The following AKAP19 variants were observed in gnomAD, a reference collection of about 807,000 sequenced individuals.
AKAP19 encodes the protein A-kinase anchoring protein 19.
At chr2:189,891,010 G>A in the AKAP19 span, among the ~76,000 whole-genome samples, 3 of 152,012 alleles carry the variant, frequency 2.0e-5, no homozygotes, top group Non-Finnish European at 4.4e-5. Flanking sequence ...TCATAGTGTC[G>A]ATGGTCTTTC....
chr2:190,184,286 G>C, the AKAP19 span, among the ~76,000 whole-genome samples: 42 of 152,112 alleles, frequency 2.8e-4, no homozygotes, highest in Non-Finnish European at 5.1e-4. Flanking sequence ...TTCTAATTCA[G>C]AACAGTTTCA....
At chr2:190,123,660 T>C in the AKAP19 span, among the ~76,000 whole-genome samples, 5 of 152,186 alleles carry the variant, frequency 3.3e-5, no homozygotes, top group Non-Finnish European at 7.4e-5. Flanking sequence ...CCACAGTAAA[T>C]TGACTACAGA....
At chr2:189,960,362 G>A in the AKAP19 span, among the ~76,000 whole-genome samples, 4 of 152,176 alleles carry the variant, frequency 2.6e-5, no homozygotes, top group Non-Finnish European at 2.9e-5. Context: ...AAACTGGAGT[G>A]AAATACGTGG....
chr2:189,947,700 A>G, the AKAP19 span, among the ~76,000 whole-genome samples: 1 of 152,214 alleles, frequency 6.6e-6, no homozygotes, highest in East Asian at 1.9e-4. Context: ...ATTTAACCCT[A>G]TATGGATTAT....
chr2:190,148,840 T>C, the AKAP19 span, among the ~76,000 whole-genome samples: 162 of 152,350 alleles, frequency 1.1e-3, no homozygotes, highest in African/African-American at 3.8e-3. Context: ...ATTTCAGTGG[T>C]GCCAGTTGTA....
At chr2:190,115,930 T>C in the AKAP19 span, among the ~76,000 whole-genome samples, 1 of 152,150 alleles carries the variant, frequency 6.6e-6, no homozygotes, top group Non-Finnish European at 1.5e-5. Flanking sequence ...TAATGGGCAA[T>C]GTTCTAGGAA....
chr2:189,888,459 T>G, the AKAP19 span, among the ~76,000 whole-genome samples: 1 of 152,200 alleles, frequency 6.6e-6, no homozygotes, highest in African/African-American at 2.4e-5. Context: ...TTAAAGTAGT[T>G]TTTTGTAAAT....
chr2:189,938,627 A>G, the AKAP19 span, among the ~76,000 whole-genome samples: 1 of 152,164 alleles, frequency 6.6e-6, no homozygotes, highest in East Asian at 1.9e-4. Flanking sequence ...ATTTAGAATG[A>G]ATGAATAAGA....
the AKAP19 span, among the ~76,000 whole-genome samples, chr2:189,975,999 T>TCTCA: frequency 1.3e-5 from 2 of 152,354 alleles, no homozygotes; most frequent in East Asian, 3.9e-4. Context: ...TCATTCTCCG[T>TCTCA]CCAGCTTTGT....
chr2:190,012,279 C>G, the AKAP19 span, among the ~76,000 whole-genome samples: 5 of 145,748 alleles, frequency 3.4e-5, no homozygotes, highest in African/African-American at 1.3e-4. Context: ...CACACACCAC[C>G]ACACCTGACT....
At chr2:189,979,295 C>T in the AKAP19 span, among the ~76,000 whole-genome samples, 1 of 152,078 alleles carries the variant, frequency 6.6e-6, no homozygotes, top group Non-Finnish European at 1.5e-5. Context: ...ACCAACTGAT[C>T]TTAAACAAAG....
At chr2:190,012,381 C>CT in the AKAP19 span, among the ~76,000 whole-genome samples, 1 of 152,010 alleles carries the variant, frequency 6.6e-6, no homozygotes, top group South Asian at 2.1e-4. Context: ...CTTTTTGATG[C>CT]TTTTTTAATG....
At chr2:189,923,275 G>C in the AKAP19 span, 2 of 1,522,940 alleles carry the variant, frequency 1.3e-6, no homozygotes, top group African/African-American at 2.7e-5. Flanking sequence ...ACTCAGAATC[G>C]AATCTCTTCT....
At chr2:190,093,432 C>CA in the AKAP19 span, among the ~76,000 whole-genome samples, 3 of 146,758 alleles carry the variant, frequency 2.0e-5, no homozygotes, top group Non-Finnish European at 3.0e-5. Context: ...GACTCTGTCT[C>CA]AAAAAAAAAA....
chr2:189,979,772 A>G, the AKAP19 span, among the ~76,000 whole-genome samples: 29 of 152,306 alleles, frequency 1.9e-4, no homozygotes, highest in African/African-American at 6.5e-4. Flanking sequence ...ACATGAACAG[A>G]CACTTCTCAA....
chr2:189,938,131 T>C, the AKAP19 span, among the ~76,000 whole-genome samples: 3 of 151,574 alleles, frequency 2.0e-5, no homozygotes, highest in African/African-American at 7.3e-5. Context: ...AGCTAAGGAG[T>C]TCGAGACCAG....
At chr2:190,098,777 T>C in the AKAP19 span, among the ~76,000 whole-genome samples, 1 of 152,246 alleles carries the variant, frequency 6.6e-6, no homozygotes, top group Admixed American at 6.5e-5. Flanking sequence ...TTGTTTAGTG[T>C]AGCCACCTTC....
the AKAP19 span, among the ~76,000 whole-genome samples, chr2:189,942,791 C>T: frequency 1.3e-5 from 2 of 152,138 alleles, no homozygotes. Context: ...CTGTTCATGC[C>T]GTAGGAATCT....
the AKAP19 span, among the ~76,000 whole-genome samples, chr2:189,954,477 T>C: frequency 2.0e-5 from 3 of 152,238 alleles, no homozygotes; most frequent in African/African-American, 4.8e-5. Context: ...TACACATTAA[T>C]ATGCCTAGTG....
Sources: gnomAD v4.1 joint callset for allele counts (sites outside exome capture counted in the v4.1 genomes callset) on GRCh38, gnomAD v4.1.1 for gene constraint, MANE v1.5 for transcripts, NCBI Gene and HGNC (gene_info 2026-07-23, HGNC 2026-07-21) for gene names.